Variants in SMYD2 observed in about 807,000 individuals in gnomAD.
SMYD2 encodes SET and MYND domain containing 2, also known as N-lysine methyltransferase SMYD2.
A neutral mutation model predicts 59.1 loss-of-function variants in SMYD2; 53 were observed. The ratio of observed to expected loss-of-function variants is 0.90; its 90% CI spans 0.72 to 1.13. The LOEUF (loss-of-function observed/expected upper bound fraction) is 1.13, where lower values mean the gene tolerates loss of function less well. Ranked by LOEUF, SMYD2 falls within the 50% of genes most tolerant of loss-of-function variation. SMYD2 has a pLI of 0.00. For missense variants in SMYD2, 494 were observed against 544.7 expected, an observed-to-expected ratio of 0.91 and a Z score of 0.93; for synonymous variants, 208 against 198.8, an observed-to-expected ratio of 1.05 and a Z score of -0.39.
chr1:214,322,400 T>G (rs1354265906), intron 5 of SMYD2, among the ~76,000 whole-genome samples: 1 of 152,236 alleles, frequency 6.6e-6, no homozygotes, highest in Non-Finnish European at 1.5e-5. Flanking sequence ...TCAGGGTACT[T>G]AGAGTTGGCA....
chr1:214,288,416 A>G (rs1656584559), intron 1 of SMYD2, among the ~76,000 whole-genome samples: 2 of 152,306 alleles, frequency 1.3e-5, no homozygotes, highest in African/African-American at 4.8e-5. Flanking sequence ...ATGACCTTCA[A>G]GGATGGAGCC....
Position 214,305,162 on chromosome 1 carries a change from CT to C in SMYD2, c.174-24del, listed in dbSNP as rs1227376840. ...CTTCACGTTTCTGTGTCTGTCACCA[CT>C]ACAGTGCCCTTTCTGTTTTTAAGGA... On this transcript the variant is annotated intron_variant, in intron 1 of 11. Transcript: ENST00000366957. 1.9e-6 allele frequency: 3 copies of C among 1,611,734 alleles called. No individual in the cohort carries two copies. In the Admixed American group the frequency reaches 5.0e-5, roughly 27 times the overall value.
rs1354407761 is a variant in SMYD2, at chr1:214,312,946, A to G, written c.238-1816A>G. ...AGAAGCGGGCATCCAGTTAGAAGGC[A>G]GTGGCAGGACATTAGTCATGAGAGA... is the stretch of plus-strand genomic sequence containing the variant. On this transcript the variant is annotated intron_variant, in intron 2 of 11. Transcript: ENST00000366957. This position sits in a 1 kb window ranked among gnomAD's most constrained non-coding sequence, Gnocchi z 4.1. 6.6e-6 allele frequency among the ~76,000 whole-genome samples: 1 copy of G among 152,214 alleles called. No individual in the cohort carries two copies. The highest frequency in any genetic ancestry group is 2.4e-5 in the African/African-American group (1 of 41,462).
chr1:214,295,042 G>A (rs1452459083), intron 1 of SMYD2, among the ~76,000 whole-genome samples: 2 of 152,116 alleles, frequency 1.3e-5, no homozygotes, highest in African/African-American at 2.4e-5. Context: ...TGGAAGAAGC[G>A]GTGGATATTA....
In SMYD2 at chr1:214,332,034, G is replaced by A. The variant is rs1405152897; in HGVS notation, c.954G>A (p.Leu318=). 2 of 1,613,342 alleles carry A rather than the reference G, an allele frequency of 1.2e-6. No homozygotes were observed. Among genetic ancestry groups the A allele is most frequent in the Non-Finnish European group, 1.7e-6 (2 of 1,179,950 alleles). The stretch of plus-strand genomic sequence containing the variant: ...CCACAGCACCCCCTAGTGAGCTGCT[G>A]GAGATCTGCGAGCTCAGCCAGGAGA... The part of the protein sequence containing the change: ...AKHYKSPSEL[L]EICELSQEKM... Residue 318 remains leucine, a synonymous_variant, in exon 10 of 12, where the codon CTG becomes CTA. Transcript: ENST00000366957.
chr1:214,302,667 C>T (rs1216498154), intron 1 of SMYD2, among the ~76,000 whole-genome samples: 5 of 152,232 alleles, frequency 3.3e-5, no homozygotes, highest in Non-Finnish European at 5.9e-5. Context: ...CGAGCTGGTT[C>T]AAATGAAGGC....
intron 2 of SMYD2, among the ~76,000 whole-genome samples, chr1:214,308,100 T>C (rs1656943322): frequency 2.0e-5 from 3 of 152,360 alleles, no homozygotes; most frequent in Admixed American, 6.5e-5. Context: ...AGGGGCACCC[T>C]GAGCACCGGG....
intron 1 of SMYD2, among the ~76,000 whole-genome samples, chr1:214,299,409 CAA>C (rs1189284283): frequency 6.6e-6 from 1 of 150,896 alleles, no homozygotes; most frequent in Non-Finnish European, 1.5e-5. Flanking sequence ...TTCACACTAG[CAA>C]AGACACAGAA....
At chr1:214,308,953 G>A (rs1656957523) in intron 2 of SMYD2, among the ~76,000 whole-genome samples, 1 of 152,258 alleles carries the variant, frequency 6.6e-6, no homozygotes, top group South Asian at 2.1e-4. Context: ...GGATGTGAAA[G>A]GGGAGAGCTG....
chr1:214,305,369 G>A, intron 2 of SMYD2, 119 bp downstream of exon 2: 1 of 973,728 alleles, frequency 1.0e-6, no homozygotes, highest in Non-Finnish European at 1.6e-6. Context: ...GATGTGGCTG[G>A]ATATCCTTGG....
intron 1 of SMYD2, among the ~76,000 whole-genome samples, chr1:214,288,857 G>C (rs2102453295): frequency 6.6e-6 from 1 of 151,732 alleles, no homozygotes; most frequent in African/African-American, 2.4e-5. Flanking sequence ...GACTAAACCA[G>C]AGTTAGTCAT....
At chr1:214,295,690 C>A (rs537959502) in intron 1 of SMYD2, among the ~76,000 whole-genome samples, 8 of 152,314 alleles carry the variant, frequency 5.3e-5, no homozygotes, top group South Asian at 2.1e-4. Context: ...AGAAGCCCCC[C>A]GCTGCACGTG....
intron 1 of SMYD2, among the ~76,000 whole-genome samples, chr1:214,302,242 GGGA>G (rs1656835493): frequency 6.6e-6 from 1 of 152,046 alleles, no homozygotes; most frequent in African/African-American, 2.4e-5. Flanking sequence ...AGGAGGCTGA[GGGA>G]GGAGAATTGC....
intron 5 of SMYD2, among the ~76,000 whole-genome samples, chr1:214,320,700 T>A (rs1657159736): frequency 6.6e-6 from 1 of 151,756 alleles, no homozygotes; most frequent in Non-Finnish European, 1.5e-5. Flanking sequence ...CTATTAACAA[T>A]TTATTGAATT....
At chr1:214,309,258 A>G (rs924205515) in intron 2 of SMYD2, among the ~76,000 whole-genome samples, 1 of 152,250 alleles carries the variant, frequency 6.6e-6, no homozygotes, top group Non-Finnish European at 1.5e-5. Flanking sequence ...AATACAAAAG[A>G]AACAGAAATT....
chr1:214,330,834 CCTT>C lies in SMYD2; in HGVS notation c.817-115_817-113del. 2.7e-6 allele frequency: 4 copies of C among 1,463,730 alleles called. No homozygotes were observed. The South Asian group carries it at 5.2e-5, about 19-fold the overall frequency. The allele number at this position is 1,463,730 out of a possible 1,614,324, so 90.7% of individuals were successfully genotyped here. On this transcript the variant is annotated intron_variant, in intron 8 of 11. Coordinates refer to ENST00000366957, the MANE Select transcript of SMYD2 (RefSeq NM_020197.3). ...CTGATTTCCTTTCATTCTTTTGTAA[CCTT>C]GGAATGGGCCAGTGTCGACCGCTGT...
intron 3 of SMYD2, among the ~76,000 whole-genome samples, chr1:214,315,660 C>T (rs888194751): frequency 6.6e-6 from 1 of 152,126 alleles, no homozygotes; most frequent in Admixed American, 6.6e-5. Flanking sequence ...ATGTCTTGGG[C>T]GGCAGCAAGA....
chr1:214,302,984 C>G (rs1180109599), intron 1 of SMYD2, among the ~76,000 whole-genome samples: 1 of 152,022 alleles, frequency 6.6e-6, no homozygotes, highest in Non-Finnish European at 1.5e-5. Flanking sequence ...TTTAGGTGGC[C>G]CCTGAGCCTT....
chr1:214,332,874 C>G (rs995158568), intron 10 of SMYD2: 1 of 151,856 alleles, frequency 6.6e-6, no homozygotes, highest in African/African-American at 2.4e-5. Flanking sequence ...TTTTTAAAGG[C>G]ACTGATATTA....
Sources: gnomAD v4.1 joint callset for allele counts (sites outside exome capture counted in the v4.1 genomes callset) on GRCh38, gnomAD v4.1.1 for gene constraint, Gnocchi (gnomAD v3.1) non-coding constraint, MANE v1.5 for transcripts, NCBI Gene and HGNC (gene_info 2026-07-23, HGNC 2026-07-21) for gene names.